Variants in SP140 observed in about 807,000 individuals in gnomAD.
The protein encoded by SP140 is nuclear body protein SP140.
A neutral mutation model predicts 125.0 loss-of-function variants in SP140; 81 were observed. The ratio of observed to expected loss-of-function variants is 0.65; its 90% CI spans 0.54 to 0.78. The LOEUF (loss-of-function observed/expected upper bound fraction) is 0.78, where lower values mean the gene tolerates loss of function less well. Ranked by LOEUF, SP140 falls within the 30% of genes least tolerant of loss-of-function variation. The pLI, the probability that SP140 is intolerant of heterozygous loss-of-function variation, is 0.00. For missense variants in SP140, 858 were observed against 1,037.0 expected (o/e 0.83, Z 2.37); for synonymous variants, 312 against 354.0 (o/e 0.88, Z 1.33).
chr2:230,283,658 T>G (rs2055943376), intron 15 of SP140, among the ~76,000 whole-genome samples: 1 of 152,130 alleles, frequency 6.6e-6, no homozygotes, highest in Non-Finnish European at 1.5e-5. Flanking sequence ...TCCCATAGTG[T>G]GCGGACAGGA....
At chr2:230,186,635 T>C in the SP140 span, among the ~76,000 whole-genome samples, 1 of 152,102 alleles carries the variant, frequency 6.6e-6, no homozygotes, top group African/African-American at 2.4e-5. Context: ...ACCCAATACA[T>C]AGGTTTTTAC....
chr2:230,279,502 A>G (rs2055206432), intron 15 of SP140, among the ~76,000 whole-genome samples: 2 of 152,186 alleles, frequency 1.3e-5, no homozygotes, highest in South Asian at 4.1e-4. Context: ...GAACCCAGAA[A>G]TAAACACTCA....
intron 12 of SP140, among the ~76,000 whole-genome samples, chr2:230,258,611 G>A (rs994455016): frequency 1.3e-5 from 2 of 152,114 alleles, no homozygotes; most frequent in African/African-American, 4.8e-5. Flanking sequence ...TTTTAGTAGT[G>A]GTATTTCCAT....
intron 22 of SP140, among the ~76,000 whole-genome samples, chr2:230,307,992 C>A (rs6759965): frequency 1.4e-4 from 7 of 49,070 alleles, no homozygotes; most frequent in East Asian, 1.5e-3. Context: ...TATATATATA[C>A]ACACACACAC....
At chr2:230,218,025 G>T (rs2045417475) in intron 3 of SP140, among the ~76,000 whole-genome samples, 7 of 152,222 alleles carry the variant, frequency 4.6e-5, no homozygotes, top group Admixed American at 4.6e-4. Flanking sequence ...CTTTTCCCAT[G>T]CCCATGCAGC....
chr2:230,235,465 G>T (rs761978480), intron 1 of SP140, among the ~76,000 whole-genome samples: 17 of 152,126 alleles, frequency 1.1e-4, no homozygotes, highest in Non-Finnish European at 2.4e-4. Context: ...ATTAATCAAC[G>T]ATTTTAAACC....
At chr2:230,280,668 A>G (rs1028946886) in intron 15 of SP140, among the ~76,000 whole-genome samples, 1 of 152,238 alleles carries the variant, frequency 6.6e-6, no homozygotes, top group East Asian at 1.9e-4. Context: ...TTATGCCCCA[A>G]TCCCAAAAGA....
intron 18 of SP140, among the ~76,000 whole-genome samples, chr2:230,289,842 C>G (rs2056911669): frequency 6.6e-6 from 1 of 152,160 alleles, no homozygotes; most frequent in African/African-American, 2.4e-5. Context: ...AGACCTTTCA[C>G]CCCCTTCTCT....
chr2:230,199,366 G>A (rs530999372), upstream of SP140, among the ~76,000 whole-genome samples: 16 of 151,160 alleles, frequency 1.1e-4, no homozygotes, highest in African/African-American at 3.4e-4. Flanking sequence ...CCACCACCAC[G>A]CCTGGCTAGT....
intron 21 of SP140, among the ~76,000 whole-genome samples, chr2:230,295,221 G>T (rs999642855): frequency 2.0e-5 from 3 of 152,224 alleles, no homozygotes; most frequent in South Asian, 4.1e-4. Context: ...GTAGAAATAC[G>T]CATTCAAGAC....
the SP140 span, among the ~76,000 whole-genome samples, chr2:230,194,224 C>T: frequency 6.6e-6 from 1 of 152,116 alleles, no homozygotes; most frequent in Non-Finnish European, 1.5e-5. Context: ...CCCAGGCTGG[C>T]TCCCATAAAG....
chr2:230,228,714 T>G (rs919697948), intron 1 of SP140, among the ~76,000 whole-genome samples: 49 of 152,178 alleles, frequency 3.2e-4, no homozygotes, highest in African/African-American at 1.1e-3. Context: ...TACTATACCT[T>G]TTCTTTGATT....
intron 11 of SP140, among the ~76,000 whole-genome samples, chr2:230,253,869 G>T (rs943704334): frequency 1.3e-5 from 2 of 152,200 alleles, no homozygotes; most frequent in African/African-American, 4.8e-5. Context: ...CCTTGGGATG[G>T]AGCTGACAAG....
upstream of SP140, chr2:230,221,911 T>G: frequency 8.5e-6 from 5 of 586,724 alleles, no homozygotes; most frequent in South Asian, 1.9e-5. Flanking sequence ...CGAATGAGGA[T>G]GAAAGATGTT....
In SP140 at chr2:230,257,767, G is replaced by A. The variant is rs189279311; in HGVS notation, c.1240+2235G>A. On this transcript the variant is annotated intron_variant, in intron 12 of 26. Coordinates refer to ENST00000392045, the MANE Select transcript of SP140 (RefSeq NM_007237.5). ...GGTGACAGAGCAAGATTCCATCTCAGAAGAAAAAAAGAAAAAATAAGGGGC... is the reference window on the plus strand; with the variant it reads ...GGTGACAGAGCAAGATTCCATCTCAAAAGAAAAAAAGAAAAAATAAGGGGC... 3.3e-5 allele frequency among the ~76,000 whole-genome samples: 5 copies of A among 151,954 alleles called. No individual in the cohort carries two copies. The East Asian group carries it at 5.8e-4, about 18-fold the overall frequency.
At position 230,237,875 on chromosome 2, in the gene SP140, C is replaced by A. The variant is rs997717311; in HGVS notation, c.238-338C>A. Among the ~76,000 whole-genome samples, 5 of 152,172 alleles carry A rather than the reference C, an allele frequency of 3.3e-5. No individual in the cohort carries two copies. Among genetic ancestry groups the A allele is most frequent in the African/African-American group, 9.7e-5 (4 of 41,432 alleles). On this transcript the variant is annotated intron_variant, in intron 2 of 26. Transcript: ENST00000392045. This position sits in a 1 kb window ranked among gnomAD's most constrained non-coding sequence, Gnocchi z 5.4. ...GTTTCCTGGAGCTCGTCAGGCCAGG[C>A]CAATCCTAGTAGTGGTTATTGTCCA... is the stretch of plus-strand genomic sequence containing the variant.
intron 3 of SP140, chr2:230,238,761 A>G: frequency 6.5e-7 from 1 of 1,549,434 alleles, no homozygotes. Flanking sequence ...TTTGTATTAG[A>G]AAATTTATCA....
Position 230,251,055 on chromosome 2 carries a change from G to A in SP140, c.1051G>A (p.Gly351Arg). 1 of 1,613,112 alleles carries A rather than the reference G, an allele frequency of 6.2e-7. No homozygotes were observed. The highest frequency in any genetic ancestry group is 8.5e-7 in the Non-Finnish European group (1 of 1,179,676). ...QEASSSLARC[G>R]SVSCLSAETF... ...AGCCTCTAGCTCCCTAGCAAGATGT[G>A]GGTCAGGTAAAGAAGGGGAGGATTT... Residue 351 changes from glycine (G) to arginine (R), a missense_variant, in exon 10 of 27, where the codon GGG becomes AGG. Physicochemically the swap from Gly to Arg is moderately radical, Grantham distance 125. Transcript: ENST00000392045.
At chr2:230,270,366 A>G (rs184530345) in intron 14 of SP140, among the ~76,000 whole-genome samples, 1 of 151,970 alleles carries the variant, frequency 6.6e-6, no homozygotes, top group Non-Finnish European at 1.5e-5. Flanking sequence ...CTGCAGGTCT[A>G]CTCTTCTTAG....
Sources: gnomAD v4.1 joint callset for allele counts (sites outside exome capture counted in the v4.1 genomes callset) on GRCh38, gnomAD v4.1.1 for gene constraint, Gnocchi (gnomAD v3.1) non-coding constraint, MANE v1.5 for transcripts, NCBI Gene and HGNC (gene_info 2026-07-23, HGNC 2026-07-21) for gene names.